KIF21A: variants seen among roughly 807,000 people sequenced by gnomAD.
KIF21A encodes the protein kinesin-like protein KIF21A.
Under a neutral mutation model 202.9 loss-of-function variants are expected in KIF21A, and 114 were observed. The observed-to-expected ratio is 0.56, with a 90% CI of 0.48 to 0.66. The LOEUF (loss-of-function observed/expected upper bound fraction) is 0.66, where lower values mean the gene tolerates loss of function less well. KIF21A is among the 30% of genes least tolerant of loss of function. The pLI is 0.00. For synonymous variants in KIF21A, 667 were observed against 670.8 expected, an observed-to-expected ratio of 0.99 and a Z score of 0.09; for missense variants, 1,677 against 1,994.9, an observed-to-expected ratio of 0.84 and a Z score of 3.04.
chr12:39,347,611 T>A (rs564520724), intron 11 of KIF21A, among the ~76,000 whole-genome samples: 1 of 152,186 alleles, frequency 6.6e-6, no homozygotes, highest in South Asian at 2.1e-4. Context: ...TATTTATTGG[T>A]CTGTGATTGT....
In KIF21A at chr12:39,322,801, C is replaced by T. The variant is rs202078745; in HGVS notation, c.3538G>A (p.Ala1180Thr). The T allele has an allele frequency of 9.9e-6, 16 of 1,614,082 alleles. No homozygotes were observed. Among genetic ancestry groups the T allele is most frequent in the Middle Eastern group, 1.7e-4 (1 of 6,060 alleles). The change falls in exon 27 of 38, where the codon GCC (alanine) becomes ACC (threonine). Residue 1180 changes from alanine (A) to threonine (T), a missense_variant. By Grantham distance (58) the Ala-to-Thr change is moderately conservative (BLOSUM62 0). Transcript: ENST00000361418. ...ELASDTSTGDASLPGPLTPVA... is the reference protein window; with the variant it reads ...ELASDTSTGDTSLPGPLTPVA... ...GGTGTGAGAGGGCCAGGCAAGGAGG[C>T]ATCTCCTGTACTAGTGTCTGAAGCT...
intron 1 of KIF21A, among the ~76,000 whole-genome samples, chr12:39,378,925 G>C (rs1238202269): frequency 1.3e-5 from 2 of 152,090 alleles, no homozygotes; most frequent in Non-Finnish European, 2.9e-5. Context: ...TAAAATTTTC[G>C]AGACTGAGAA....
At position 39,442,089 on chromosome 12, in the gene KIF21A, T is replaced by G. The variant is rs1338753851; in HGVS notation, c.44+838A>C. Reference sequence around the variant, plus strand: ...CGAAATTACATCGAATACTCGTGCCTGTCATTGGCCGAAATATAATTTCAA... The same window carrying G: ...CGAAATTACATCGAATACTCGTGCCGGTCATTGGCCGAAATATAATTTCAA... On this transcript the variant is annotated intron_variant, in intron 1 of 37. Transcript: ENST00000361418. This position sits in a 1 kb window ranked among gnomAD's most constrained non-coding sequence, Gnocchi z 5.0. 6.6e-6 allele frequency among the ~76,000 whole-genome samples: 1 copy of G among 152,196 alleles called. No individual in the cohort carries two copies. The highest frequency in any genetic ancestry group is 1.9e-4 in the East Asian group (1 of 5,202).
At chr12:39,431,062 G>C (rs567735542) in intron 1 of KIF21A, among the ~76,000 whole-genome samples, 8 of 152,184 alleles carry the variant, frequency 5.3e-5, no homozygotes. Context: ...GGAAATCACA[G>C]CTTCTAGATC....
rs1158481795 is a variant in KIF21A, at chr12:39,405,505, TTTTG to T, written c.45-35248_45-35245del. 3.3e-5 allele frequency among the ~76,000 whole-genome samples: 5 copies of T among 152,242 alleles called. No homozygotes were observed. The East Asian group carries it at 9.6e-4, about 29-fold the overall frequency. On this transcript the variant is annotated intron_variant, in intron 1 of 37. Transcript: ENST00000361418. ...TTAAAAAAAGTATTTGTAAGAAAAA[TTTTG>T]TTTATGTAAAATTGTTGCCATCTTA...
At chr12:39,414,340 G>A (rs1248088846) in intron 1 of KIF21A, among the ~76,000 whole-genome samples, 1 of 152,118 alleles carries the variant, frequency 6.6e-6, no homozygotes, top group Non-Finnish European at 1.5e-5. Context: ...ACCATTAATG[G>A]TTATTACATT....
intron 29 of KIF21A, among the ~76,000 whole-genome samples, chr12:39,317,538 C>T (rs1204202450): frequency 2.6e-5 from 4 of 152,178 alleles, no homozygotes; most frequent in Admixed American, 2.6e-4. Context: ...CACTCCCAGT[C>T]CTACTCTCTC....
chr12:39,352,112 C>T (rs1948435617), intron 10 of KIF21A, 132 bp from the exon 11 acceptor site: 1 of 709,764 alleles, frequency 1.4e-6, no homozygotes. Context: ...TATTGTTCTG[C>T]AACCGTCACC....
At chr12:39,315,335 G>C (rs1307531231) in intron 30 of KIF21A, 95 bp from the exon 31 acceptor site, 2 of 1,057,616 alleles carry the variant, frequency 1.9e-6, no homozygotes, top group Non-Finnish European at 1.4e-6. Context: ...ATGAGACAGA[G>C]AGAAAGAGAA....
At chr12:39,407,347 T>C (rs1277342624) in intron 1 of KIF21A, among the ~76,000 whole-genome samples, 1 of 152,178 alleles carries the variant, frequency 6.6e-6, no homozygotes, top group African/African-American at 2.4e-5. Flanking sequence ...TTCTCTAATA[T>C]CCTTTTTGAC....
intron 37 of KIF21A, among the ~76,000 whole-genome samples, chr12:39,298,294 A>AT (rs1463365362): frequency 1.6e-4 from 24 of 152,336 alleles, no homozygotes; most frequent in African/African-American, 5.8e-4. Flanking sequence ...GGAGAGATCT[A>AT]TGCAGAGAAA....
At chr12:39,422,127 T>C (rs1446631569) in intron 1 of KIF21A, among the ~76,000 whole-genome samples, 3 of 150,882 alleles carry the variant, frequency 2.0e-5, no homozygotes, top group Admixed American at 1.3e-4. Flanking sequence ...TCCAGCTAAT[T>C]TTTGTTTTTT....
intron 28 of KIF21A, among the ~76,000 whole-genome samples, chr12:39,318,850 G>T (rs1000732476): frequency 6.6e-6 from 1 of 152,138 alleles, no homozygotes; most frequent in African/African-American, 2.4e-5. Context: ...GCGTGGTGGC[G>T]GGCGCCGGTA....
intron 1 of KIF21A, among the ~76,000 whole-genome samples, chr12:39,427,024 A>T (rs934231993): frequency 2.0e-5 from 3 of 152,170 alleles, no homozygotes; most frequent in African/African-American, 2.4e-5. Context: ...GGCATGTTTC[A>T]TGGGAGAGCC....
intron 3 of KIF21A, among the ~76,000 whole-genome samples, chr12:39,369,343 C>T (rs1260159573): frequency 9.2e-5 from 14 of 151,908 alleles, no homozygotes; most frequent in Non-Finnish European, 1.9e-4. Flanking sequence ...GCCTGTAGTC[C>T]CAGGTACTCA....
chr12:39,370,947 G>T (rs1044336575), intron 1 of KIF21A, among the ~76,000 whole-genome samples: 1 of 152,020 alleles, frequency 6.6e-6, no homozygotes, highest in African/African-American at 2.4e-5. Context: ...ACCAAAATCC[G>T]CAGATGTTCA....
rs181981006 is a variant in KIF21A at position 39,301,152 on chromosome 12, C to T, written c.4931+328G>A. 6.6e-5 allele frequency among the ~76,000 whole-genome samples: 10 copies of T among 152,230 alleles called. No homozygotes were observed. In the East Asian group the frequency reaches 1.9e-3, roughly 29 times the overall value. ...AATTTGTTCCAAATATGAAGAATGG[C>T]AAATTTGTTGCCTTTCTGAAAATAA... is the stretch of plus-strand genomic sequence containing the variant. On this transcript the variant is annotated intron_variant, in intron 37 of 37. Transcript: ENST00000361418.
chr12:39,309,603 C>CT lies in KIF21A; in HGVS notation c.4259dup (p.Cys1421ValfsTer60). The CT allele has an allele frequency of 6.2e-7, 1 of 1,611,214 alleles. No homozygotes were observed. The highest frequency in any genetic ancestry group is 8.5e-7 in the Non-Finnish European group (1 of 1,179,074). On this transcript the variant is annotated frameshift_variant, in exon 33 of 38. Coordinates refer to ENST00000361418, the MANE Select transcript of KIF21A (RefSeq NM_001173464.2). LOFTEE classifies it high-confidence loss of function. ...TTACTTACGTTAGTGTTCGAATGCA[C>CT]TTTGCTGAATCTCTGATATCCCACA...
chr12:39,302,995 T>C lies in KIF21A; in HGVS notation c.4701A>G (p.Lys1567=). 1 of 1,614,042 alleles carries C rather than the reference T, an allele frequency of 6.2e-7. No individual in the cohort carries two copies. The highest frequency in any genetic ancestry group is 8.5e-7 in the Non-Finnish European group (1 of 1,179,926). ...GAAGGTCTTTTTGAGTTAAGTCCCA[T>C]TTCTTGATTCCATTATCTCTAGACC... ...FSGSRDNGIK[K]WDLTQKDLLQ... is the part of the protein sequence containing the mutation. Residue 1567 remains lysine (K), a synonymous_variant, in exon 36 of 38, where the codon AAA becomes AAG. Transcript: ENST00000361418.
Sources: allele counts gnomAD v4.1 joint callset (sites outside exome capture counted in the v4.1 genomes callset), GRCh38; gene constraint gnomAD v4.1.1; non-coding constraint Gnocchi (gnomAD v3.1); transcripts MANE v1.5; gene names NCBI Gene and HGNC (gene_info 2026-07-23, HGNC 2026-07-21).